The following COBLL1 variants were observed in gnomAD, a reference collection of about 807,000 sequenced individuals.
COBLL1 encodes the protein cordon-bleu WH2 repeat protein like 1.
Under a neutral mutation model 94.8 loss-of-function variants are expected in COBLL1, and 50 were observed. The ratio of observed to expected loss-of-function variants is 0.53; its 90% CI spans 0.42 to 0.67. COBLL1 has a LOEUF of 0.67. Among genes scored for constraint, COBLL1 ranks in the 30% least tolerant of loss-of-function variants. The pLI, the probability that COBLL1 is intolerant of heterozygous loss-of-function variation, is 0.00. For missense variants in COBLL1, 1,362 were observed against 1,348.7 expected, an observed-to-expected ratio of 1.01 and a Z score of -0.15; for synonymous variants, 448 against 473.8, an observed-to-expected ratio of 0.95 and a Z score of 0.71.
intron 2 of COBLL1, among the ~76,000 whole-genome samples, chr2:164,798,371 A>G (rs1010535690): frequency 6.6e-6 from 1 of 152,250 alleles, no homozygotes; most frequent in Non-Finnish European, 1.5e-5. Flanking sequence ...GCAGAGTCTT[A>G]AATAACTCAA....
At chr2:164,704,740 G>C (rs1684494218) in intron 8 of COBLL1, among the ~76,000 whole-genome samples, 1 of 152,160 alleles carries the variant, frequency 6.6e-6, no homozygotes, top group African/African-American at 2.4e-5. Context: ...ATTATGACAT[G>C]CTCATCTTAG....
At chr2:164,670,812 GA>G (rs1346696707) in intron 1 of COBLL1, among the ~76,000 whole-genome samples, 2 of 152,164 alleles carry the variant, frequency 1.3e-5, no homozygotes, top group Non-Finnish European at 2.9e-5. Flanking sequence ...CTCAGAAGAG[GA>G]AAGTTTGTCC....
At chr2:164,714,384 A>C (rs1271608742) in intron 7 of COBLL1, among the ~76,000 whole-genome samples, 3 of 151,958 alleles carry the variant, frequency 2.0e-5, no homozygotes, top group African/African-American at 4.8e-5. Context: ...AAAAAAAAAA[A>C]AAAAACCAGG....
chr2:164,702,573 A>AT (rs1451137329), intron 9 of COBLL1, among the ~76,000 whole-genome samples: 3,068 of 147,466 alleles, frequency 0.021, 31 homozygotes, highest in African/African-American at 0.026. Flanking sequence ...AAAAAAAAAA[A>AT]AAAATAATAA....
At chr2:164,743,271 T>C (rs10153726) in intron 3 of COBLL1, 34,057 of 154,606 alleles carry the variant, frequency 0.22, 4,219 homozygotes, top group African/African-American at 0.33. Flanking sequence ...AAGAGTTTTG[T>C]AAACTTAAAG....
intron 2 of COBLL1, among the ~76,000 whole-genome samples, chr2:164,756,054 C>T (rs560041873): frequency 7.0e-6 from 1 of 142,324 alleles, no homozygotes; most frequent in South Asian, 2.4e-4. Flanking sequence ...TATATGGCAG[C>T]ATGAGAGAGA....
intron 2 of COBLL1, among the ~76,000 whole-genome samples, chr2:164,817,361 T>TTAA: frequency 8.6e-6 from 1 of 116,464 alleles, no homozygotes; most frequent in African/African-American, 3.2e-5. Flanking sequence ...TGGTATATAT[T>TTAA]AAAAAAAAAA....
chr2:164,798,957 T>C (rs1683617607), intron 2 of COBLL1, among the ~76,000 whole-genome samples: 1 of 136,332 alleles, frequency 7.3e-6, no homozygotes, highest in Admixed American at 8.3e-5. Context: ...GAGGCAGAGC[T>C]TGCAGTGAGC....
intron 10 of COBLL1, 138 bp from the exon 11 acceptor site, chr2:164,699,637 C>T (rs1684146357): frequency 9.6e-6 from 5 of 521,066 alleles, no homozygotes; most frequent in Middle Eastern, 2.9e-4. Flanking sequence ...TCATTTATTT[C>T]TGCCAAACAT....
intron 2 of COBLL1, among the ~76,000 whole-genome samples, chr2:164,829,123 A>T (rs1682935214): frequency 6.6e-6 from 1 of 152,352 alleles, no homozygotes; most frequent in African/African-American, 2.4e-5. Flanking sequence ...AACTGTCATC[A>T]GCACAACCAT....
intron 3 of COBLL1, among the ~76,000 whole-genome samples, chr2:164,735,992 A>T (rs1230934078): frequency 2.0e-5 from 3 of 152,226 alleles, no homozygotes; most frequent in Admixed American, 6.5e-5. Flanking sequence ...TCTGCTTTGC[A>T]TTAACATTAT....
At position 164,801,230 on chromosome 2, in the gene COBLL1, G is replaced by A. The variant is rs530536982; in HGVS notation, c.41+39926C>T. 1.2e-4 allele frequency among the ~76,000 whole-genome samples: 18 copies of A among 151,610 alleles called. No individual in the cohort carries two copies. The South Asian group carries it at 3.8e-3, about 32-fold the overall frequency. On this transcript the variant is annotated intron_variant, in intron 2 of 13. Transcript: ENST00000652658. ...CGAGGCAGGCGGATCACGAGGTCAG[G>A]AGATCGAGACCATCCTGGCTAACAA...
chr2:164,707,150 AT>A lies in COBLL1; in HGVS notation c.997-2046del, dbSNP rs532354553. Reference sequence around the variant, plus strand: ...TTCTTCAGGCCATTTCTCAAAAGTCATTTTTTTTTTTGAAACAGAGTCTCAC... The same window carrying A: ...TTCTTCAGGCCATTTCTCAAAAGTCATTTTTTTTTTGAAACAGAGTCTCAC... On this transcript the variant is annotated intron_variant, in intron 7 of 13. Coordinates refer to ENST00000652658, the MANE Select transcript of COBLL1 (RefSeq NM_001365672.2). 2.8e-3 allele frequency among the ~76,000 whole-genome samples: 414 copies of A among 146,904 alleles called. 2 individuals carry two copies. The highest frequency in any genetic ancestry group is 9.3e-3 in the African/African-American group (377 of 40,512).
At chr2:164,834,339 T>C (rs1269656051) in intron 2 of COBLL1, among the ~76,000 whole-genome samples, 1 of 152,194 alleles carries the variant, frequency 6.6e-6, no homozygotes, top group Admixed American at 6.5e-5. Flanking sequence ...CACAGAAGTC[T>C]GGAATTCTCT....
At chr2:164,773,641 T>C (rs1688319639) in intron 2 of COBLL1, 1 of 662,508 alleles carries the variant, frequency 1.5e-6, no homozygotes, top group African/African-American at 1.9e-5. Context: ...ATATTAGATA[T>C]TTTTAAAGCA....
intron 2 of COBLL1, among the ~76,000 whole-genome samples, chr2:164,798,786 A>G (rs760965307): frequency 2.6e-5 from 4 of 152,042 alleles, no homozygotes; most frequent in Admixed American, 6.6e-5. Context: ...TTGGGAGGCC[A>G]AGGCAGGCGG....
chr2:164,798,247 T>A (rs1266553901), intron 2 of COBLL1, among the ~76,000 whole-genome samples: 2 of 152,360 alleles, frequency 1.3e-5, no homozygotes, highest in African/African-American at 2.4e-5. Flanking sequence ...TCACATCTCA[T>A]CATTTACTTT....
chr2:164,699,592 G>A, intron 10 of COBLL1, 93 bp from the exon 11 acceptor site: 1 of 685,180 alleles, frequency 1.5e-6, no homozygotes, highest in East Asian at 2.7e-5. Context: ...ATGAGAAACA[G>A]GCAATAATTT....
At position 164,776,805 on chromosome 2, in the gene COBLL1, G is replaced by A. The variant is rs115705141; in HGVS notation, c.42-32930C>T. On this transcript the variant is annotated intron_variant, in intron 2 of 13. Transcript: ENST00000652658. Reference sequence around the variant, plus strand: ...AACTATTTATATAAATTGTGATTAAGTGTCTTTGGAACAACATTATGATTA... The same window carrying A: ...AACTATTTATATAAATTGTGATTAAATGTCTTTGGAACAACATTATGATTA... Among the ~76,000 whole-genome samples, 517 of 152,078 alleles carry A rather than the reference G, an allele frequency of 3.4e-3. 2 individuals carry two copies. The highest frequency in any genetic ancestry group is 0.012 in the African/African-American group (497 of 41,488).
Sources: allele counts gnomAD v4.1 joint callset (sites outside exome capture counted in the v4.1 genomes callset), GRCh38; gene constraint gnomAD v4.1.1; transcripts MANE v1.5; gene names NCBI Gene and HGNC (gene_info 2026-07-23, HGNC 2026-07-21).